The following DLGAP2 variants were observed in gnomAD, a reference collection of about 807,000 sequenced individuals.
DLGAP2 encodes disks large-associated protein 2.
In DLGAP2, 26 loss-of-function variants were observed where a neutral mutation model predicts 100.3. That is an observed-to-expected ratio of 0.26 (90% CI 0.19 to 0.36). The LOEUF (loss-of-function observed/expected upper bound fraction) is 0.36, where lower values mean the gene tolerates loss of function less well. DLGAP2 is among the 10% of genes least tolerant of loss of function. The pLI is 1.00. For missense variants in DLGAP2, 1,858 were observed against 1,453.2 expected, an observed-to-expected ratio of 1.28 and a Z score of -4.53; for synonymous variants, 886 against 630.1, an observed-to-expected ratio of 1.41 and a Z score of -6.08.
chr8:1,189,182 G>A (rs962800372), intron 2 of DLGAP2, among the ~76,000 whole-genome samples: 10 of 149,610 alleles, frequency 6.7e-5, no homozygotes, highest in African/African-American at 1.8e-4. Flanking sequence ...GGCCGATTCC[G>A]CGGTTGGGGT....
At position 920,963 on chromosome 8, in the gene DLGAP2, C is replaced by G. The variant is rs1011066318; in HGVS notation, c.73+12997C>G. Among the ~76,000 whole-genome samples, 6 of 152,114 alleles carry G rather than the reference C, an allele frequency of 3.9e-5. 1 individual carries two copies. The highest frequency in any genetic ancestry group is 1.4e-4 in the African/African-American group (6 of 41,400). ...CCACTTTCCCTCGTTTTTGTTACTG[C>G]CTATCATTCATTCCCCGGGTGCTCT... On this transcript the variant is annotated intron_variant, in intron 2 of 14. Transcript: ENST00000637795.
At chr8:1,311,998 C>T (rs967038339) in intron 3 of DLGAP2, among the ~76,000 whole-genome samples, 17 of 152,168 alleles carry the variant, frequency 1.1e-4, no homozygotes, top group African/African-American at 3.6e-4. Flanking sequence ...ATCCAGCAGG[C>T]AGAAATTCAG....
At chr8:851,253 C>T (rs374092700) in intron 1 of DLGAP2, among the ~76,000 whole-genome samples, 404 of 152,264 alleles carry the variant, frequency 2.7e-3, no homozygotes, top group Non-Finnish European at 4.2e-3. Context: ...TGTGGTAGAA[C>T]GCACCATCCA....
intron 2 of DLGAP2, among the ~76,000 whole-genome samples, chr8:1,074,729 T>G (rs570942078): frequency 3.3e-5 from 5 of 152,356 alleles, no homozygotes; most frequent in African/African-American, 1.2e-4. Flanking sequence ...GTCTTTCCAG[T>G]GACCAGGTCG....
intron 3 of DLGAP2, among the ~76,000 whole-genome samples, chr8:1,474,419 G>A (rs556003921): frequency 2.6e-5 from 4 of 152,218 alleles, no homozygotes; most frequent in South Asian, 2.1e-4. Context: ...TGGGTCAAAC[G>A]GTGGGTCTAC....
At chr8:1,345,838 G>T (rs527877901) in intron 3 of DLGAP2, among the ~76,000 whole-genome samples, 3 of 152,208 alleles carry the variant, frequency 2.0e-5, no homozygotes, top group Non-Finnish European at 2.9e-5. Flanking sequence ...TTAACTGAGC[G>T]TGCTTAGAGT....
chr8:989,618 G>T (rs1366563561), intron 2 of DLGAP2, among the ~76,000 whole-genome samples: 1 of 152,170 alleles, frequency 6.6e-6, no homozygotes, highest in African/African-American at 2.4e-5. Flanking sequence ...TTGAAAGGTA[G>T]ACATTCCTTG....
At chr8:1,277,229 T>C (rs1799716449) in intron 3 of DLGAP2, among the ~76,000 whole-genome samples, 1 of 152,066 alleles carries the variant, frequency 6.6e-6, no homozygotes, top group African/African-American at 2.4e-5. Context: ...GAGTGACTTA[T>C]AACATGTGCT....
chr8:1,420,105 C>G (rs1797046732), intron 3 of DLGAP2, among the ~76,000 whole-genome samples: 1 of 152,168 alleles, frequency 6.6e-6, no homozygotes, highest in African/African-American at 2.4e-5. Flanking sequence ...CTTTTCCCTT[C>G]CTGGAGGTCT....
intron 1 of DLGAP2, among the ~76,000 whole-genome samples, chr8:843,754 C>T (rs559676884): frequency 1.1e-4 from 17 of 152,202 alleles, no homozygotes; most frequent in East Asian, 5.8e-4. Flanking sequence ...ACATTCCTCA[C>T]GCAGAGTAGT....
chr8:1,515,157 G>A (rs1408477415), intron 4 of DLGAP2, among the ~76,000 whole-genome samples: 1 of 152,142 alleles, frequency 6.6e-6, no homozygotes, highest in African/African-American at 2.4e-5. Context: ...AGACATGGAA[G>A]GCAGCCTTGG....
At chr8:1,191,327 C>G (rs531509027) in intron 2 of DLGAP2, among the ~76,000 whole-genome samples, 1 of 151,926 alleles carries the variant, frequency 6.6e-6, no homozygotes, top group African/African-American at 2.4e-5. Flanking sequence ...CCCGCCACCA[C>G]GCCCGGCTAA....
intron 2 of DLGAP2, among the ~76,000 whole-genome samples, chr8:1,257,123 C>T (rs772200389): frequency 2.6e-5 from 4 of 152,146 alleles, no homozygotes; most frequent in African/African-American, 9.7e-5. Flanking sequence ...TCTGTCTCCC[C>T]GAAGTCGGGA....
intron 3 of DLGAP2, among the ~76,000 whole-genome samples, chr8:1,427,008 T>C (rs1797256189): frequency 2.6e-5 from 4 of 152,214 alleles, no homozygotes; most frequent in African/African-American, 7.2e-5. Context: ...CTTATTTGAA[T>C]AATTTAAAGA....
At chr8:934,694 C>G (rs981781548) in intron 2 of DLGAP2, among the ~76,000 whole-genome samples, 42 of 152,194 alleles carry the variant, frequency 2.8e-4, no homozygotes, top group African/African-American at 1.0e-3. Flanking sequence ...CATGCTCGCT[C>G]ATGCTCATGA....
chr8:763,758 T>G (rs1254429872), intron 1 of DLGAP2, among the ~76,000 whole-genome samples: 1 of 152,036 alleles, frequency 6.6e-6, no homozygotes, highest in East Asian at 1.9e-4. Flanking sequence ...TGAACACACA[T>G]GAGGTGTGGA....
At chr8:1,184,091 T>G (rs1797448707) in intron 2 of DLGAP2, among the ~76,000 whole-genome samples, 1 of 152,228 alleles carries the variant, frequency 6.6e-6, no homozygotes, top group Non-Finnish European at 1.5e-5. Context: ...GCGTTGTGTT[T>G]GGGGAAGCAG....
chr8:976,122 A>T (rs1178511345), intron 2 of DLGAP2, among the ~76,000 whole-genome samples: 1 of 152,246 alleles, frequency 6.6e-6, no homozygotes, highest in Non-Finnish European at 1.5e-5. Context: ...ATACTTAGGT[A>T]TAAATCCAAG....
intron 2 of DLGAP2, among the ~76,000 whole-genome samples, chr8:978,594 G>A (rs62486456): frequency 2.1e-3 from 238 of 113,608 alleles, no homozygotes; most frequent in Non-Finnish European, 2.5e-3. Context: ...ATGCAGTGAG[G>A]GGCTGGGTTC....
Sources: allele counts gnomAD v4.1 joint callset (sites outside exome capture counted in the v4.1 genomes callset), GRCh38; gene constraint gnomAD v4.1.1; transcripts MANE v1.5; gene names NCBI Gene and HGNC (gene_info 2026-07-23, HGNC 2026-07-21).